Variants in SNX31 observed in about 807,000 individuals in gnomAD.
SNX31 encodes the protein sorting nexin 31.
A neutral mutation model predicts 65.4 loss-of-function variants in SNX31; 58 were observed. The observed-to-expected ratio is 0.89, with a 90% confidence interval of 0.72 to 1.10. The LOEUF (loss-of-function observed/expected upper bound fraction) is 1.10, where lower values mean the gene tolerates loss of function less well. Among genes scored for constraint, SNX31 ranks in the 50% least tolerant of loss-of-function variants. The pLI, the probability that SNX31 is intolerant of heterozygous loss-of-function variation, is 0.00. For missense variants in SNX31, 523 were observed against 529.7 expected (o/e 0.99, Z 0.12); for synonymous variants, 181 against 190.1 (o/e 0.95, Z 0.39).
chr8:100,611,731 T>C (rs894034520), intron 7 of SNX31, among the ~76,000 whole-genome samples: 2 of 152,132 alleles, frequency 1.3e-5, no homozygotes, highest in African/African-American at 4.8e-5. Context: ...ATTTTTTTGA[T>C]TTTTAGTGGA....
Position 100,576,925 on chromosome 8 carries a change from T to A in SNX31, c.1227+94A>T, listed in dbSNP as rs1286702654. 6 of 1,009,304 alleles carry A rather than the reference T, an allele frequency of 5.9e-6. No individual in the cohort carries two copies. Among genetic ancestry groups the A allele is most frequent in the African/African-American group, 1.6e-5 (1 of 62,054 alleles). 62.5% of individuals were successfully genotyped at this position (1,009,304 alleles called of 1,614,324 possible). A position where few individuals can be genotyped will look rare whatever the true frequency, so the allele number is the denominator to read the frequency against. On this transcript the variant is annotated intron_variant, in intron 13 of 13. Transcript: ENST00000311812. This position sits in a 1 kb window ranked among gnomAD's most constrained non-coding sequence, Gnocchi z 4.8. ...GCTTCTGAGAAACATAATTCTGACT[T>A]ATTATTGAAAGTGAGATGACTTTGG...
rs555497727 is a variant in SNX31 at position 100,594,068 on chromosome 8, C to T, written c.978+2571G>A. 3.5e-4 allele frequency among the ~76,000 whole-genome samples: 53 copies of T among 152,018 alleles called. No homozygotes were observed. The highest frequency in any genetic ancestry group is 1.1e-3 in the African/African-American group (45 of 41,490). Reference sequence around the variant, plus strand: ...CTGTAATCCCAGCACTTTGGGAGGCCGAAGCAGGCAGATTGTTTGAGGTCA... The same window carrying T: ...CTGTAATCCCAGCACTTTGGGAGGCTGAAGCAGGCAGATTGTTTGAGGTCA... On this transcript the variant is annotated intron_variant, in intron 10 of 13. Transcript: ENST00000311812. This position sits in a 1 kb window ranked among gnomAD's most constrained non-coding sequence, Gnocchi z 4.0.
chr8:100,584,604 A>G (rs1408426963), intron 11 of SNX31, among the ~76,000 whole-genome samples: 1 of 152,064 alleles, frequency 6.6e-6, no homozygotes, highest in East Asian at 1.9e-4. Context: ...CATTGTATAC[A>G]TAATTATTGA....
intron 10 of SNX31, 112 bp from the exon 11 acceptor site, chr8:100,589,091 A>G: frequency 2.9e-6 from 2 of 683,896 alleles, no homozygotes; most frequent in Non-Finnish European, 4.9e-6. Context: ...GCCTGAGGTC[A>G]GGAGTTCGAG....
At chr8:100,621,272 A>C (rs1386160523) in intron 4 of SNX31, among the ~76,000 whole-genome samples, 1 of 152,230 alleles carries the variant, frequency 6.6e-6, no homozygotes, top group Non-Finnish European at 1.5e-5. Flanking sequence ...CAGCTGGCCC[A>C]GAAGCCTGGC....
Position 100,573,973 on chromosome 8 carries a change from CA to C in SNX31, c.1228-14del, listed in dbSNP as rs1812825874. On this transcript the variant is annotated splice_polypyrimidine_tract_variant and intron_variant, in intron 13 of 13. Transcript: ENST00000311812. ...AATAGTCTTTCTGCTGTGAAGTAAA[CA>C]GAGAGGTCAGAAATGTAAATGAAAG... 7.1e-7 allele frequency: 1 copy of C among 1,401,268 alleles called. No homozygotes were observed. The highest frequency in any genetic ancestry group is 2.2e-5 in the Admixed American group (1 of 46,472). 86.8% of individuals were successfully genotyped at this position (1,401,268 alleles called of 1,614,324 possible).
In SNX31 at chr8:100,577,015, A is replaced by G. The variant is rs376114581; in HGVS notation, c.1227+4T>C. 19 of 1,611,030 alleles carry G rather than the reference A, an allele frequency of 1.2e-5. No homozygotes were observed. The African/African-American group carries it at 2.4e-4, about 20-fold the overall frequency. On this transcript the variant is annotated splice_donor_region_variant and intron_variant, in intron 13 of 13. Coordinates refer to ENST00000311812, the MANE Select transcript of SNX31 (RefSeq NM_152628.4). The stretch of plus-strand genomic sequence containing the variant: ...GTACCAATTACATAATTTTACTCAC[A>G]GACCTGGCTTTGTTGAATGTGGTAT...
At position 100,572,922 on chromosome 8, in the gene SNX31, T is replaced by A. The variant is rs1231312090; in HGVS notation, c.*943A>T. ...AATTATTTTGTATTTATTATATAATTAGGTATACAACCCAGTTAGAACATT... is the reference window on the plus strand; with the variant it reads ...AATTATTTTGTATTTATTATATAATAAGGTATACAACCCAGTTAGAACATT... On this transcript the variant is annotated 3_prime_UTR_variant, in exon 14 of 14. Transcript: ENST00000311812. The A allele has an allele frequency of 2.0e-5, 3 of 152,390 alleles. No homozygotes were observed. The highest frequency in any genetic ancestry group is 2.9e-5 in the Non-Finnish European group (2 of 68,040). The allele number at this position is 152,390 out of a possible 1,614,324, so 9.4% of individuals were successfully genotyped here.
intron 12 of SNX31, among the ~76,000 whole-genome samples, chr8:100,581,321 ATATCTATCTATC>A (rs1188651921): frequency 8.1e-6 from 1 of 123,494 alleles, no homozygotes; most frequent in Non-Finnish European, 1.5e-5. Flanking sequence ...TTATATATCT[ATATCTATCTATC>A]TATCTATATA....
Position 100,635,944 on chromosome 8 carries a change from G to T in SNX31, c.209C>A (p.Ala70Asp). ...TTGGTCCCTCCTCTCATCAGCCATA[G>T]CTGTGGTCATTGCCAGATAGTACTT... ...PPKYYLAMTT[A>D]MADERRDQLE... The change falls in exon 3 of 14, where the codon GCT (alanine) becomes GAT (aspartate). Residue 70 changes from alanine to aspartate, a missense_variant. Physicochemically the swap from Ala to Asp is moderately radical, Grantham distance 126. Coordinates refer to ENST00000311812, the MANE Select transcript of SNX31 (RefSeq NM_152628.4). 6.2e-7 allele frequency: 1 copy of T among 1,614,108 alleles called. No individual in the cohort carries two copies. The highest frequency in any genetic ancestry group is 1.1e-5 in the South Asian group (1 of 91,082).
Position 100,575,543 on chromosome 8 carries a change from G to A in SNX31, c.1227+1476C>T, listed in dbSNP as rs950271754. 6.6e-6 allele frequency among the ~76,000 whole-genome samples: 1 copy of A among 152,166 alleles called. No individual in the cohort carries two copies. The highest frequency in any genetic ancestry group is 2.4e-5 in the African/African-American group (1 of 41,454). ...GGACAACTGAACTGATCACAGTTGT[G>A]CTGAGTGTTATCTGTTGTCCTAGGA... On this transcript the variant is annotated intron_variant, in intron 13 of 13. Coordinates refer to ENST00000311812, the MANE Select transcript of SNX31 (RefSeq NM_152628.4). The surrounding 1 kb of genome is among the most constrained non-coding windows in gnomAD (Gnocchi z 5.1).
chr8:100,592,176 A>T (rs1474274006), intron 10 of SNX31, among the ~76,000 whole-genome samples: 1 of 152,188 alleles, frequency 6.6e-6, no homozygotes, highest in Non-Finnish European at 1.5e-5. Context: ...AGTATGTTCC[A>T]TACACTCAGG....
intron 1 of SNX31, among the ~76,000 whole-genome samples, chr8:100,661,580 T>C (rs568645302): frequency 6.6e-6 from 1 of 152,226 alleles, no homozygotes; most frequent in African/African-American, 2.4e-5. Flanking sequence ...TCTCACTCTG[T>C]CACCCAGGAA....
At position 100,610,897 on chromosome 8, in the gene SNX31, G is replaced by C. The variant is rs2131019928; in HGVS notation, c.611+1103C>G. ...CCTTTCTTTAAAACTTCTGTACTCA[G>C]ATAACAGAATAAATGGGCTGGGAGA... On this transcript the variant is annotated intron_variant, in intron 7 of 13. Transcript: ENST00000311812. The surrounding 1 kb of genome is among the most constrained non-coding windows in gnomAD (Gnocchi z 4.0). Among the ~76,000 whole-genome samples, 1 of 152,326 alleles carries C rather than the reference G, an allele frequency of 6.6e-6. No individual in the cohort carries two copies. Among genetic ancestry groups the C allele is most frequent in the African/African-American group, 2.4e-5 (1 of 41,574 alleles).
intron 8 of SNX31, among the ~76,000 whole-genome samples, chr8:100,602,950 G>A (rs1308867713): frequency 6.6e-6 from 1 of 152,166 alleles, no homozygotes; most frequent in Non-Finnish European, 1.5e-5. Context: ...CTGTTCTGTG[G>A]GGAGGAACAA....
At chr8:100,592,293 A>T (rs1164464358) in intron 10 of SNX31, among the ~76,000 whole-genome samples, 2 of 152,236 alleles carry the variant, frequency 1.3e-5, no homozygotes, top group Non-Finnish European at 2.9e-5. Flanking sequence ...GTAAAAATGC[A>T]CTGGATGGGA....
intron 2 of SNX31, among the ~76,000 whole-genome samples, chr8:100,642,023 G>A (rs1243255849): frequency 1.3e-5 from 2 of 152,092 alleles, no homozygotes; most frequent in East Asian, 1.9e-4. Context: ...AGCTTGCAGT[G>A]AGCCGAGATC....
chr8:100,596,526 T>A (rs1044119310), intron 10 of SNX31, 113 bp downstream of exon 10: 1 of 830,052 alleles, frequency 1.2e-6, no homozygotes, highest in African/African-American at 1.7e-5. Context: ...TAGATGTCAC[T>A]CCACTCAAGG....
intron 10 of SNX31, among the ~76,000 whole-genome samples, chr8:100,591,109 T>A (rs1814529701): frequency 6.6e-6 from 1 of 152,290 alleles, no homozygotes; most frequent in South Asian, 2.1e-4. Context: ...GACAAATCTT[T>A]GGCTGAATAA....
Sources: allele counts gnomAD v4.1 joint callset (sites outside exome capture counted in the v4.1 genomes callset), GRCh38; gene constraint gnomAD v4.1.1; non-coding constraint Gnocchi (gnomAD v3.1); transcripts MANE v1.5; gene names NCBI Gene and HGNC (gene_info 2026-07-23, HGNC 2026-07-21).